The following CACNG2 variants were observed in gnomAD, a reference collection of about 807,000 sequenced individuals.
The protein encoded by CACNG2 is voltage-dependent calcium channel gamma-2 subunit.
Under a neutral mutation model 25.9 loss-of-function variants are expected in CACNG2, and 3 were observed. The ratio of observed to expected loss-of-function variants is 0.12; its 90% confidence interval spans 0.05 to 0.30. The LOEUF (loss-of-function observed/expected upper bound fraction) is 0.30, where lower values mean the gene tolerates loss of function less well. CACNG2 is among the 10% of genes least tolerant of loss of function. CACNG2 has a pLI of 1.00. For synonymous variants in CACNG2, 167 were observed against 173.3 expected (o/e 0.96, Z 0.29); for missense variants, 341 against 432.5 (o/e 0.79, Z 1.88).
At chr22:36,593,509 C>T (rs539915665) in intron 1 of CACNG2, among the ~76,000 whole-genome samples, 5 of 152,174 alleles carry the variant, frequency 3.3e-5, no homozygotes, top group South Asian at 2.1e-4. Context: ...AAAACACTCT[C>T]GACAGTGAGA....
chr22:36,632,979 T>C (rs1022025694), intron 1 of CACNG2, among the ~76,000 whole-genome samples: 3 of 152,166 alleles, frequency 2.0e-5, no homozygotes, highest in Non-Finnish European at 4.4e-5. Context: ...TCACCCAATC[T>C]ACTTGCTGTT....
At chr22:36,610,750 A>T (rs902415091) in intron 1 of CACNG2, among the ~76,000 whole-genome samples, 3 of 152,194 alleles carry the variant, frequency 2.0e-5, no homozygotes, top group African/African-American at 7.2e-5. Flanking sequence ...GTTGCAGCTG[A>T]TCCAGACAGC....
chr22:36,605,520 G>T (rs1025385749), intron 1 of CACNG2, among the ~76,000 whole-genome samples: 2 of 152,210 alleles, frequency 1.3e-5, no homozygotes, highest in African/African-American at 2.4e-5. Flanking sequence ...ATGCTCAGTG[G>T]TTAGCTTCAC....
chr22:36,633,671 C>T (rs1936310076), intron 1 of CACNG2, among the ~76,000 whole-genome samples: 1 of 152,180 alleles, frequency 6.6e-6, no homozygotes, highest in East Asian at 1.9e-4. Context: ...AACATTCTGA[C>T]ATTTTAAGAG....
rs1935064192 is a variant in CACNG2, at chr22:36,563,500, C to T, written c.*851G>A. Among the ~76,000 whole-genome samples, 1 of 152,288 alleles carries T rather than the reference C, an allele frequency of 6.6e-6. No individual in the cohort carries two copies. Among genetic ancestry groups the T allele is most frequent in the East Asian group, 1.9e-4 (1 of 5,180 alleles). ...GCAGCCTCCCCTCTCCTTCCCTTTC[C>T]TCAAGGCCTAGGAAGTCATCACAGT... On this transcript the variant is annotated 3_prime_UTR_variant, in exon 4 of 4. Coordinates refer to ENST00000300105, the MANE Select transcript of CACNG2 (RefSeq NM_006078.5).
chr22:36,693,337 G>A (rs911291379), intron 1 of CACNG2, among the ~76,000 whole-genome samples: 7 of 152,078 alleles, frequency 4.6e-5, no homozygotes, highest in African/African-American at 1.4e-4. Context: ...GAGACTGGAC[G>A]TCCCTCTATT....
At chr22:36,633,544 T>C (rs1239929468) in intron 1 of CACNG2, among the ~76,000 whole-genome samples, 1 of 152,166 alleles carries the variant, frequency 6.6e-6, no homozygotes, top group African/African-American at 2.4e-5. Flanking sequence ...ATCACCACAC[T>C]CCTGGATGTC....
intron 1 of CACNG2, among the ~76,000 whole-genome samples, chr22:36,595,831 A>C (rs950055669): frequency 6.6e-6 from 1 of 152,194 alleles, no homozygotes; most frequent in African/African-American, 2.4e-5. Context: ...CGCCAGGCTG[A>C]GTGAGTTCAG....
At chr22:36,687,004 A>AT (rs1274125954) in intron 1 of CACNG2, among the ~76,000 whole-genome samples, 1 of 152,178 alleles carries the variant, frequency 6.6e-6, no homozygotes, top group East Asian at 1.9e-4. Flanking sequence ...TAAGGCAAAA[A>AT]TGTTGTGTGA....
chr22:36,611,701 G>C (rs2145941836), intron 1 of CACNG2, among the ~76,000 whole-genome samples: 1 of 152,316 alleles, frequency 6.6e-6, no homozygotes, highest in East Asian at 1.9e-4. Context: ...AAGTGTGGGA[G>C]TCTGACCAGC....
chr22:36,651,176 A>G (rs1002177517), intron 1 of CACNG2, among the ~76,000 whole-genome samples: 3 of 151,272 alleles, frequency 2.0e-5, no homozygotes, highest in Non-Finnish European at 4.4e-5. Context: ...TAGTTGGTTT[A>G]ACGCTTTGTG....
chr22:36,596,464 GTTTC>G (rs1050106201), intron 1 of CACNG2, among the ~76,000 whole-genome samples: 29 of 152,246 alleles, frequency 1.9e-4, no homozygotes, highest in African/African-American at 7.0e-4. Flanking sequence ...TCAGTGGGTA[GTTTC>G]TTTCTTTTTT....
At chr22:36,630,966 G>A (rs1239047407) in intron 1 of CACNG2, among the ~76,000 whole-genome samples, 3 of 152,142 alleles carry the variant, frequency 2.0e-5, no homozygotes, top group Non-Finnish European at 4.4e-5. Flanking sequence ...AAGTAGCTGG[G>A]TCTATAGGTG....
At chr22:36,605,449 G>C (rs543749291) in intron 1 of CACNG2, among the ~76,000 whole-genome samples, 1 of 152,308 alleles carries the variant, frequency 6.6e-6, no homozygotes, top group African/African-American at 2.4e-5. Context: ...CTGGTGTATT[G>C]TGGTGATCCA....
At chr22:36,640,686 C>G (rs956092842) in intron 1 of CACNG2, among the ~76,000 whole-genome samples, 1 of 152,238 alleles carries the variant, frequency 6.6e-6, no homozygotes, top group Non-Finnish European at 1.5e-5. Flanking sequence ...GCAGCTGTCT[C>G]CCAAAGGGCC....
chr22:36,666,014 A>G (rs563030422), intron 1 of CACNG2, among the ~76,000 whole-genome samples: 1 of 152,356 alleles, frequency 6.6e-6, no homozygotes, highest in East Asian at 1.9e-4. Context: ...GTATATACAT[A>G]TGGTGGAATA....
At chr22:36,592,699 A>T (rs1435070009) in intron 1 of CACNG2, among the ~76,000 whole-genome samples, 1 of 152,102 alleles carries the variant, frequency 6.6e-6, no homozygotes, top group Non-Finnish European at 1.5e-5. Flanking sequence ...GAGCTAAATG[A>T]TGGCTTGACT....
At chr22:36,632,822 C>G (rs915578907) in intron 1 of CACNG2, among the ~76,000 whole-genome samples, 2 of 152,074 alleles carry the variant, frequency 1.3e-5, no homozygotes, top group Non-Finnish European at 2.9e-5. Flanking sequence ...CCTCAAACCT[C>G]TCTTCTCTAG....
intron 1 of CACNG2, among the ~76,000 whole-genome samples, chr22:36,679,947 CATCATCACCACCTGCATCACAATCATT>C (rs1937075373): frequency 6.6e-6 from 1 of 152,056 alleles, no homozygotes; most frequent in South Asian, 2.1e-4. Context: ...CCACCACCTT[CATCATCACCACCTGCATCACAATCATT>C]ATCATCACCA....
Sources: allele counts gnomAD v4.1 joint callset (sites outside exome capture counted in the v4.1 genomes callset), GRCh38; gene constraint gnomAD v4.1.1; transcripts MANE v1.5; gene names NCBI Gene and HGNC (gene_info 2026-07-23, HGNC 2026-07-21).